Variants in PVR observed in about 807,000 individuals in gnomAD.
PVR encodes PVR cell adhesion molecule.
In PVR, 39 loss-of-function variants were observed where a neutral mutation model predicts 43.3. The observed-to-expected ratio is 0.90, with a 90% CI of 0.70 to 1.18. The LOEUF (loss-of-function observed/expected upper bound fraction) is 1.18, where lower values mean the gene tolerates loss of function less well. Among genes scored for constraint, PVR ranks in the 50% most tolerant of loss-of-function variants. The pLI, the probability that PVR is intolerant of heterozygous loss-of-function variation, is 0.00. For synonymous variants in PVR, 224 were observed against 233.2 expected, an observed-to-expected ratio of 0.96 and a Z score of 0.36; for missense variants, 480 against 549.7, an observed-to-expected ratio of 0.87 and a Z score of 1.27.
intron 7 of PVR, 111 bp downstream of exon 7, chr19:44,661,434 G>T: frequency 9.3e-6 from 11 of 1,176,774 alleles, no homozygotes; most frequent in Non-Finnish European, 1.4e-5. Flanking sequence ...TTCTCCTGGT[G>T]CCTCGAGCAG....
At chr19:44,654,529 C>T (rs1330685527) in intron 4 of PVR, among the ~76,000 whole-genome samples, 2 of 152,152 alleles carry the variant, frequency 1.3e-5, no homozygotes, top group Non-Finnish European at 1.5e-5. Context: ...CTGCTCTGTG[C>T]CCGGTACTTC....
chr19:44,663,636 A>G lies in PVR; in HGVS notation c.*1825A>G, dbSNP rs1314329313. Reference sequence around the variant, plus strand: ...GGAAATCAAGGAGCAGACAGGTTTCATGTGTACTGTCACCACGTGGGATGG... The same window carrying G: ...GGAAATCAAGGAGCAGACAGGTTTCGTGTGTACTGTCACCACGTGGGATGG... On this transcript the variant is annotated 3_prime_UTR_variant, in exon 8 of 8. Transcript: ENST00000425690. 2.0e-5 allele frequency: 3 copies of G among 152,144 alleles called. No individual in the cohort carries two copies. The highest frequency in any genetic ancestry group is 7.2e-5 in the African/African-American group (3 of 41,416). 9.4% of individuals were successfully genotyped at this position (152,144 alleles called of 1,614,324 possible).
rs1231141132 is a variant in PVR at position 44,661,762 on chromosome 19, G to A, written c.1205G>A (p.Ser402Asn). 6.2e-7 allele frequency: 1 copy of A among 1,614,052 alleles called. No individual in the cohort carries two copies. Among genetic ancestry groups the A allele is most frequent in the African/African-American group, 1.3e-5 (1 of 75,046 alleles). ...ANGHVSYSAV[S>N]RENSSSQDPQ... ...TAGCATGTCTCCTATTCAGCTGTGA[G>A]CAGAGAGAACAGCTCTTCCCAGGAT... The change falls in exon 8 of 8, where the codon AGC becomes AAC. Residue 402 changes from serine (S) to asparagine (N), a missense_variant. Transcript: ENST00000425690.
intron 6 of PVR, among the ~76,000 whole-genome samples, chr19:44,660,247 G>T (rs1394040360): frequency 6.6e-6 from 1 of 152,158 alleles, no homozygotes; most frequent in African/African-American, 2.4e-5. Context: ...GATTCAATGT[G>T]TCAGCTCCAG....
chr19:44,645,873 C>T (rs1568497310), intron 1 of PVR, among the ~76,000 whole-genome samples: 1 of 152,110 alleles, frequency 6.6e-6, no homozygotes, highest in Non-Finnish European at 1.5e-5. Context: ...TCAATAAGCG[C>T]TGTCACATTT....
chr19:44,645,182 AT>A (rs1472733919), intron 1 of PVR, among the ~76,000 whole-genome samples: 1 of 83,662 alleles, frequency 1.2e-5, no homozygotes, highest in Non-Finnish European at 2.1e-5. Flanking sequence ...TATTATATAT[AT>A]TATTATAATA....
At chr19:44,657,707 C>T in intron 4 of PVR, 55 bp from the exon 5 acceptor site, 1 of 1,591,898 alleles carries the variant, frequency 6.3e-7, no homozygotes. Flanking sequence ...TGCTCAATCA[C>T]TGTCACTCCG....
rs1252011715 is a variant in PVR at position 44,647,126 on chromosome 19, GTGCAAGTGCACGC to G, written c.80-96_80-84del. 316 of 477,080 alleles carry G rather than the reference GTGCAAGTGCACGC, an allele frequency of 6.6e-4. 2 individuals are homozygous for G. The African/African-American group carries it at 7.1e-3, about 11-fold the overall frequency. 29.6% of individuals were successfully genotyped at this position (477,080 alleles called of 1,614,324 possible). ...TCCACCGGGGATCCAGGGCCCCAGC[GTGCAAGTGCACGC>G]CCAGGTGCCCGGGCTCCTGGAGCCC... On this transcript the variant is annotated intron_variant, in intron 1 of 7. Coordinates refer to ENST00000425690, the MANE Select transcript of PVR (RefSeq NM_006505.5).
Position 44,663,481 on chromosome 19 carries a change from G to A in PVR, c.*1670G>A, listed in dbSNP as rs114089632. The A allele has an allele frequency of 0.012, 1,836 of 152,328 alleles. 35 individuals are homozygous for A. Among genetic ancestry groups the A allele is most frequent in the African/African-American group, 0.041 (1,715 of 41,554 alleles). 9.4% of individuals were successfully genotyped at this position (152,328 alleles called of 1,614,324 possible). Reference sequence around the variant, plus strand: ...GTGAGGAGGCCAGTGGGACCCCACAGAGTTGGGGAGATAAAGGAACATTGG... The same window carrying A: ...GTGAGGAGGCCAGTGGGACCCCACAAAGTTGGGGAGATAAAGGAACATTGG... On this transcript the variant is annotated 3_prime_UTR_variant, in exon 8 of 8. Coordinates refer to ENST00000425690, the MANE Select transcript of PVR (RefSeq NM_006505.5).
intron 5 of PVR, among the ~76,000 whole-genome samples, chr19:44,658,437 G>GA (rs1179759486): frequency 2.0e-5 from 3 of 152,212 alleles, no homozygotes; most frequent in Admixed American, 1.3e-4. Flanking sequence ...AACAGCAGGA[G>GA]AAAAAACATA....
At chr19:44,645,415 G>GTGTGTA (rs1255385112) in intron 1 of PVR, among the ~76,000 whole-genome samples, 1 of 83,822 alleles carries the variant, frequency 1.2e-5, no homozygotes, top group African/African-American at 5.7e-5. Context: ...TATGTTTTGT[G>GTGTGTA]TATATATATA....
chr19:44,654,054 C>A, intron 4 of PVR, 37 bp downstream of exon 4: 1 of 1,512,732 alleles, frequency 6.6e-7, no homozygotes, highest in Non-Finnish European at 9.2e-7. Context: ...GGCTGGGGGT[C>A]TGGATTTCTA....
intron 3 of PVR, 150 bp downstream of exon 3, chr19:44,650,255 T>C (rs1455481240): frequency 7.2e-6 from 5 of 692,470 alleles, no homozygotes; most frequent in African/African-American, 1.8e-5. Flanking sequence ...CCCCATTGTC[T>C]GCACCAGCTC....
At chr19:44,659,640 G>A (rs752952760) in intron 6 of PVR, among the ~76,000 whole-genome samples, 30 of 151,930 alleles carry the variant, frequency 2.0e-4, no homozygotes, top group Non-Finnish European at 3.8e-4. Flanking sequence ...GCACTACTAT[G>A]CCCAGCAATT....
Position 44,644,043 on chromosome 19 carries a change from C to A in PVR, c.-54C>A, listed in dbSNP as rs919375395. 6.9e-7 allele frequency: 1 copy of A among 1,442,122 alleles called. No individual in the cohort carries two copies. Among genetic ancestry groups the A allele is most frequent in the Non-Finnish European group, 9.2e-7 (1 of 1,084,440 alleles). The allele number at this position is 1,442,122 out of a possible 1,614,324, so 89.3% of individuals were successfully genotyped here. On this transcript the variant is annotated 5_prime_UTR_variant, in exon 1 of 8. Coordinates refer to ENST00000425690, the MANE Select transcript of PVR (RefSeq NM_006505.5). ...CAGCGACCGCGGCAGAGCGAGCGGG[C>A]GCCGGGAAGCGAGGAGACGCCCGCG...
chr19:44,659,645 G>A (rs1251189557), intron 6 of PVR, among the ~76,000 whole-genome samples: 1 of 152,058 alleles, frequency 6.6e-6, no homozygotes, highest in East Asian at 1.9e-4. Flanking sequence ...ACTATGCCCA[G>A]CAATTTTTGT....
chr19:44,653,239 T>A (rs549242739), intron 3 of PVR, among the ~76,000 whole-genome samples: 1 of 152,242 alleles, frequency 6.6e-6, no homozygotes, highest in South Asian at 2.1e-4. Context: ...CCATCAGTAA[T>A]ATCCACACAA....
chr19:44,644,073 G>A lies in PVR; in HGVS notation c.-24G>A. On this transcript the variant is annotated 5_prime_UTR_variant, in exon 1 of 8. Coordinates refer to ENST00000425690, the MANE Select transcript of PVR (RefSeq NM_006505.5). ...GGAAGCGAGGAGACGCCCGCGGGAGGCCCAGCTGCTCGGAGCAACTGGCAT... is the reference window on the plus strand; with the variant it reads ...GGAAGCGAGGAGACGCCCGCGGGAGACCCAGCTGCTCGGAGCAACTGGCAT... 6.7e-7 allele frequency: 1 copy of A among 1,501,622 alleles called. No homozygotes were observed. Among genetic ancestry groups the A allele is most frequent in the South Asian group, 1.2e-5 (1 of 81,036 alleles). 93.0% of individuals were successfully genotyped at this position (1,501,622 alleles called of 1,614,324 possible).
intron 6 of PVR, among the ~76,000 whole-genome samples, chr19:44,660,160 T>C (rs1414201651): frequency 6.6e-6 from 1 of 152,176 alleles, no homozygotes; most frequent in Non-Finnish European, 1.5e-5. Context: ...AGGCTGTCAC[T>C]GTCATGACTG....
Sources: gnomAD v4.1 joint callset for allele counts (sites outside exome capture counted in the v4.1 genomes callset) on GRCh38, gnomAD v4.1.1 for gene constraint, MANE v1.5 for transcripts, NCBI Gene and HGNC (gene_info 2026-07-23, HGNC 2026-07-21) for gene names.